ADAMTS3: variants seen among roughly 807,000 people sequenced by gnomAD.
ADAMTS3 encodes the protein A disintegrin and metalloproteinase with thrombospondin motifs 3.
Under a neutral mutation model 129.0 loss-of-function variants are expected in ADAMTS3, and 73 were observed. That is an observed-to-expected ratio of 0.57 (90% confidence interval 0.47 to 0.69). The LOEUF is 0.69. ADAMTS3 is among the 30% of genes least tolerant of loss of function. ADAMTS3 has a pLI of 0.00. For synonymous variants in ADAMTS3, 477 were observed against 510.8 expected (o/e 0.93, Z 0.89); for missense variants, 1,457 against 1,514.5 (o/e 0.96, Z 0.63).
At chr4:72,493,932 T>C (rs1237950047) in intron 3 of ADAMTS3, among the ~76,000 whole-genome samples, 27 of 152,110 alleles carry the variant, frequency 1.8e-4, no homozygotes, top group Non-Finnish European at 4.4e-5. Flanking sequence ...AAAAAATAAA[T>C]ACACTGTCAG....
At position 72,507,906 on chromosome 4, in the gene ADAMTS3, C is replaced by T. The variant is rs62320594; in HGVS notation, c.504+40572G>A. On this transcript the variant is annotated intron_variant, in intron 3 of 21. Coordinates refer to ENST00000286657, the MANE Select transcript of ADAMTS3 (RefSeq NM_014243.3). ...CCTTTTTTGACTTGCATATTTAACGCCTTATTGCCTGTTTACTGCTTTACA... is the reference window on the plus strand; with the variant it reads ...CCTTTTTTGACTTGCATATTTAACGTCTTATTGCCTGTTTACTGCTTTACA... Among the ~76,000 whole-genome samples, 8 of 152,146 alleles carry T rather than the reference C, an allele frequency of 5.3e-5. No homozygotes were observed. The East Asian group carries it at 1.2e-3, about 22-fold the overall frequency.
At chr4:72,500,187 A>G (rs1719975550) in intron 3 of ADAMTS3, among the ~76,000 whole-genome samples, 2 of 152,106 alleles carry the variant, frequency 1.3e-5, no homozygotes, top group Middle Eastern at 3.4e-3. Flanking sequence ...GTTCTTTGAG[A>G]TATTTCCAAA....
intron 3 of ADAMTS3, among the ~76,000 whole-genome samples, chr4:72,482,753 G>A (rs1224386948): frequency 6.6e-6 from 1 of 152,130 alleles, no homozygotes; most frequent in Non-Finnish European, 1.5e-5. Flanking sequence ...TGTAGATCAT[G>A]ATTTAGTAAG....
intron 4 of ADAMTS3, among the ~76,000 whole-genome samples, chr4:72,401,921 C>A (rs1721934175): frequency 6.6e-6 from 1 of 151,978 alleles, no homozygotes; most frequent in Non-Finnish European, 1.5e-5. Context: ...TAATGGTAAG[C>A]CTTTGAAATA....
At chr4:72,529,803 T>C (rs1379840435) in intron 3 of ADAMTS3, among the ~76,000 whole-genome samples, 1 of 95,138 alleles carries the variant, frequency 1.1e-5, no homozygotes, top group East Asian at 2.6e-4. Context: ...TAATATAATA[T>C]ATATTATATA....
At chr4:72,556,166 T>C (rs1721761204) in intron 2 of ADAMTS3, among the ~76,000 whole-genome samples, 1 of 119,872 alleles carries the variant, frequency 8.3e-6, no homozygotes, top group African/African-American at 3.1e-5. Context: ...GTCTAACCAA[T>C]GGCTCTGTCT....
At chr4:72,521,969 C>T (rs921898812) in intron 3 of ADAMTS3, among the ~76,000 whole-genome samples, 1 of 152,030 alleles carries the variant, frequency 6.6e-6, no homozygotes, top group African/African-American at 2.4e-5. Flanking sequence ...CTAAAACATC[C>T]CATTGAAAAC....
rs115250534 is a variant in ADAMTS3 at position 72,430,950 on chromosome 4, A to G, written c.505-15979T>C. ...TAAAGAAACTTTAAAGGAATCAGTA[A>G]CAGATAGTAACCAAGTAGATGAAAA... On this transcript the variant is annotated intron_variant, in intron 3 of 21. Coordinates refer to ENST00000286657, the MANE Select transcript of ADAMTS3 (RefSeq NM_014243.3). Among the ~76,000 whole-genome samples the G allele has an allele frequency of 3.1e-3, 474 of 152,096 alleles. 2 individuals carry two copies. Among genetic ancestry groups the G allele is most frequent in the Non-Finnish European group, 4.6e-3 (310 of 67,956 alleles).
chr4:72,339,396 C>T, intron 5 of ADAMTS3, 98 bp downstream of exon 5: 2 of 1,100,492 alleles, frequency 1.8e-6, no homozygotes, highest in East Asian at 4.7e-5. Flanking sequence ...TATTTTGGCA[C>T]AGTCATGGAA....
At chr4:72,313,983 C>G (rs762031902) in intron 11 of ADAMTS3, among the ~76,000 whole-genome samples, 161 bp from the exon 12 acceptor site, 2 of 151,598 alleles carry the variant, frequency 1.3e-5, no homozygotes, top group Non-Finnish European at 2.9e-5. Context: ...CATTAATATA[C>G]CCTATTAAAG....
In ADAMTS3 at chr4:72,347,516, C is replaced by T. The variant is rs185235567; in HGVS notation, c.662-7823G>A. 8.6e-5 allele frequency among the ~76,000 whole-genome samples: 13 copies of T among 151,894 alleles called. No individual in the cohort carries two copies. In the East Asian group the frequency reaches 1.6e-3, roughly 18 times the overall value. On this transcript the variant is annotated intron_variant, in intron 4 of 21. Coordinates refer to ENST00000286657, the MANE Select transcript of ADAMTS3 (RefSeq NM_014243.3). The stretch of plus-strand genomic sequence containing the variant: ...TCCCAATTTGTTTATTTTATTCTCT[C>T]GGTTCTATTTTAAATGAATAATGTT...
intron 4 of ADAMTS3, among the ~76,000 whole-genome samples, chr4:72,393,321 T>C (rs1249168898): frequency 6.6e-6 from 1 of 152,220 alleles, no homozygotes; most frequent in African/African-American, 2.4e-5. Context: ...TGTGGGATAT[T>C]ATATAGACTT....
chr4:72,318,756 T>C, intron 9 of ADAMTS3, 52 bp from the exon 10 acceptor site: 1 of 1,554,508 alleles, frequency 6.4e-7, no homozygotes, highest in Non-Finnish European at 8.8e-7. Context: ...AAAAAAATCA[T>C]GTCCTGATTT....
intron 20 of ADAMTS3, 50 bp from the exon 21 acceptor site, chr4:72,288,918 G>GCACAGACACA: frequency 1.8e-6 from 1 of 564,420 alleles, no homozygotes; most frequent in Non-Finnish European, 3.0e-6. Flanking sequence ...CCAAGACCAT[G>GCACAGACACA]CACATACACA....
At chr4:72,470,922 T>C (rs1174909554) in intron 3 of ADAMTS3, among the ~76,000 whole-genome samples, 1 of 152,172 alleles carries the variant, frequency 6.6e-6, no homozygotes, top group Non-Finnish European at 1.5e-5. Flanking sequence ...CTATGTGATA[T>C]AAATAGGAAG....
intron 3 of ADAMTS3, among the ~76,000 whole-genome samples, chr4:72,440,800 A>G (rs949541539): frequency 2.6e-5 from 4 of 151,818 alleles, no homozygotes; most frequent in South Asian, 2.1e-4. Flanking sequence ...AATAATTTCA[A>G]TAAGTCCCGT....
At chr4:72,512,242 G>A (rs866320923) in intron 3 of ADAMTS3, among the ~76,000 whole-genome samples, 2 of 152,210 alleles carry the variant, frequency 1.3e-5, no homozygotes, top group Middle Eastern at 6.8e-3. Flanking sequence ...TTGGGAGGCC[G>A]CGGTGGACAG....
At chr4:72,366,347 T>C (rs1720866994) in intron 4 of ADAMTS3, among the ~76,000 whole-genome samples, 1 of 152,206 alleles carries the variant, frequency 6.6e-6, no homozygotes, top group Non-Finnish European at 1.5e-5. Context: ...CTATTCACTA[T>C]TGTATTACGG....
At chr4:72,498,434 G>GT (rs1370464740) in intron 3 of ADAMTS3, among the ~76,000 whole-genome samples, 1 of 151,824 alleles carries the variant, frequency 6.6e-6, no homozygotes, top group Non-Finnish European at 1.5e-5. Flanking sequence ...AGAAAAGCCT[G>GT]TAAAAAAAAG....
Sources: gnomAD v4.1 joint callset for allele counts (sites outside exome capture counted in the v4.1 genomes callset) on GRCh38, gnomAD v4.1.1 for gene constraint, MANE v1.5 for transcripts, NCBI Gene and HGNC (gene_info 2026-07-23, HGNC 2026-07-21) for gene names.